The following DAB1 variants were observed in gnomAD, a reference collection of about 807,000 sequenced individuals.
DAB1 encodes disabled homolog 1.
In DAB1, 15 loss-of-function variants were observed where a neutral mutation model predicts 64.6. The observed-to-expected ratio is 0.23, with a 90% confidence interval of 0.16 to 0.36. The LOEUF (loss-of-function observed/expected upper bound fraction) is 0.36. Ranked by LOEUF, DAB1 falls within the 10% of genes least tolerant of loss-of-function variation. DAB1 has a pLI of 1.00. For synonymous variants in DAB1, 235 were observed against 251.9 expected, an observed-to-expected ratio of 0.93 and a Z score of 0.64; for missense variants, 596 against 706.7, an observed-to-expected ratio of 0.84 and a Z score of 1.78.
intron 2 of DAB1, among the ~76,000 whole-genome samples, chr1:57,206,753 G>C (rs17115366): frequency 0.14 from 20,682 of 152,118 alleles, 1,781 homozygotes; most frequent in Admixed American, 0.25. Flanking sequence ...GCTTCATCAA[G>C]AGGCAATATG....
chr1:58,060,566 C>T (rs1163663794), intron 5 of DAB1, among the ~76,000 whole-genome samples: 1 of 152,174 alleles, frequency 6.6e-6, no homozygotes, highest in Non-Finnish European at 1.5e-5. Flanking sequence ...ACCGCAGATG[C>T]CCAGGAGATC....
intron 9 of DAB1, among the ~76,000 whole-genome samples, chr1:57,035,053 C>T (rs1243137299): frequency 2.6e-5 from 4 of 152,162 alleles, no homozygotes; most frequent in Non-Finnish European, 5.9e-5. Context: ...GAGGAAAAGC[C>T]ACCACATCAA....
At chr1:58,008,839 T>C (rs574419695) in intron 5 of DAB1, among the ~76,000 whole-genome samples, 10 of 152,244 alleles carry the variant, frequency 6.6e-5, no homozygotes, top group South Asian at 6.2e-4. Context: ...AGGTTCAAGT[T>C]TAAGTTCCAA....
chr1:57,357,161 T>G (rs1024530170), intron 1 of DAB1, among the ~76,000 whole-genome samples: 5 of 152,010 alleles, frequency 3.3e-5, no homozygotes, highest in African/African-American at 1.2e-4. Context: ...AATTGACAAT[T>G]TAACATAAAC....
intron 4 of DAB1, among the ~76,000 whole-genome samples, chr1:58,186,771 C>G (rs554612961): frequency 6.6e-6 from 1 of 152,278 alleles, no homozygotes; most frequent in South Asian, 2.1e-4. Flanking sequence ...TCTAGGCTGG[C>G]TTTGGTTGAC....
intron 1 of DAB1, chr1:57,306,995 C>T (rs1448774504): frequency 1.3e-5 from 2 of 152,126 alleles, no homozygotes; most frequent in African/African-American, 2.4e-5. Flanking sequence ...CCAAACAACT[C>T]GCTTTCTCCA....
chr1:58,259,040 G>C (rs1660993722), intron 4 of DAB1, among the ~76,000 whole-genome samples: 2 of 152,236 alleles, frequency 1.3e-5, no homozygotes, highest in Middle Eastern at 3.4e-3. Context: ...TAATAATAAT[G>C]CTGGTTTTAC....
intron 6 of DAB1, among the ~76,000 whole-genome samples, chr1:57,808,604 A>G (rs1651476223): frequency 6.6e-6 from 1 of 152,196 alleles, no homozygotes; most frequent in Non-Finnish European, 1.5e-5. Context: ...ACAAAGCAAA[A>G]CAGTGTAAAA....
intron 3 of DAB1, among the ~76,000 whole-genome samples, chr1:58,482,410 C>A (rs192965169): frequency 1.1e-3 from 164 of 152,186 alleles, no homozygotes; most frequent in African/African-American, 3.9e-3. Context: ...AGCCTTAGAA[C>A]TATTTAACTC....
intron 3 of DAB1, chr1:58,462,607 T>C (rs1005100874): frequency 6.6e-6 from 1 of 152,168 alleles, no homozygotes; most frequent in Non-Finnish European, 1.5e-5. Flanking sequence ...GTTAATGATG[T>C]AAGAAAATCA....
intron 4 of DAB1, among the ~76,000 whole-genome samples, chr1:58,275,196 A>C (rs575965212): frequency 6.6e-6 from 1 of 152,368 alleles, no homozygotes; most frequent in South Asian, 2.1e-4. Flanking sequence ...TGAATCAAAG[A>C]TGTAAATATA....
intron 2 of DAB1, among the ~76,000 whole-genome samples, chr1:57,238,845 A>G (rs1668285884): frequency 2.8e-5 from 4 of 140,736 alleles, no homozygotes; most frequent in African/African-American, 1.1e-4. Context: ...ACATGCGCAC[A>G]CACACACACA....
chr1:57,148,232 G>T (rs1247402868), intron 2 of DAB1, among the ~76,000 whole-genome samples: 1 of 152,172 alleles, frequency 6.6e-6, no homozygotes, highest in Non-Finnish European at 1.5e-5. Flanking sequence ...CGAGAAAGAA[G>T]ATTCATAAGA....
intron 7 of DAB1, among the ~76,000 whole-genome samples, chr1:57,450,374 C>T (rs1686304439): frequency 6.6e-6 from 1 of 152,280 alleles, no homozygotes; most frequent in East Asian, 1.9e-4. Flanking sequence ...AATAATTTAG[C>T]TTATGATCAG....
intron 3 of DAB1, among the ~76,000 whole-genome samples, chr1:58,442,170 C>T (rs1309812625): frequency 1.3e-5 from 2 of 152,128 alleles, no homozygotes; most frequent in Non-Finnish European, 2.9e-5. Context: ...TGCATGTGCA[C>T]GTATGTGTGC....
chr1:57,181,452 G>A (rs1433981242), intron 2 of DAB1, among the ~76,000 whole-genome samples: 1 of 152,034 alleles, frequency 6.6e-6, no homozygotes, highest in Non-Finnish European at 1.5e-5. Context: ...CACTATCATC[G>A]AACACTTATC....
intron 14 of DAB1, among the ~76,000 whole-genome samples, chr1:57,001,500 T>TA (rs745404904): frequency 1.3e-5 from 2 of 152,116 alleles, no homozygotes; most frequent in Non-Finnish European, 2.9e-5. Flanking sequence ...TAAATGATGT[T>TA]AAAAAAATCT....
In DAB1 at chr1:57,263,119, A is replaced by ATT. The variant is rs1558047871; in HGVS notation, c.67+27844_67+27845insAA. Among the ~76,000 whole-genome samples, 591 of 111,372 alleles carry ATT rather than the reference A, an allele frequency of 5.3e-3. 5 individuals carry two copies. Among genetic ancestry groups the ATT allele is most frequent in the African/African-American group, 0.022 (524 of 23,998 alleles). 73.1% of individuals were successfully genotyped at this position (111,372 alleles called of 152,430 possible). ...CATCATCTATGGAATAAGAAGATAAAATTTTTTTTTTTTTGAGACGGAGTC... is the reference window on the plus strand; with the variant it reads ...CATCATCTATGGAATAAGAAGATAAATTATTTTTTTTTTTTTGAGACGGAGTC... On this transcript the variant is annotated intron_variant, in intron 2 of 14. Coordinates refer to ENST00000371236, the MANE Select transcript of DAB1 (RefSeq NM_001365792.1).
At chr1:57,752,044 C>T (rs1423912206) in intron 6 of DAB1, among the ~76,000 whole-genome samples, 1 of 152,182 alleles carries the variant, frequency 6.6e-6, no homozygotes, top group Non-Finnish European at 1.5e-5. Context: ...TTGCCTCGGC[C>T]TGGTCACACT....
Sources: allele counts gnomAD v4.1 joint callset (sites outside exome capture counted in the v4.1 genomes callset), GRCh38; gene constraint gnomAD v4.1.1; transcripts MANE v1.5; gene names NCBI Gene and HGNC (gene_info 2026-07-23, HGNC 2026-07-21).